NR3C2: variants seen among roughly 807,000 people sequenced by gnomAD.
NR3C2 encodes the protein nuclear receptor subfamily 3 group C member 2.
NR3C2 carries 15 observed loss-of-function variants against 86.4 expected under a neutral mutation model. The ratio of observed to expected loss-of-function variants is 0.17; its 90% CI spans 0.12 to 0.27. The LOEUF is 0.27. Ranked by LOEUF, NR3C2 falls within the 10% of genes least tolerant of loss-of-function variation. NR3C2 has a pLI of 1.00. For synonymous variants in NR3C2, 458 were observed against 450.5 expected, an observed-to-expected ratio of 1.02 and a Z score of -0.21; for missense variants, 960 against 1,195.6, an observed-to-expected ratio of 0.80 and a Z score of 2.91.
chr4:148,278,579 A>G (rs1008824391), intron 2 of NR3C2, among the ~76,000 whole-genome samples: 17 of 151,968 alleles, frequency 1.1e-4, no homozygotes, highest in African/African-American at 2.9e-4. Flanking sequence ...GTGCGCGCGC[A>G]CACACACACC....
intron 6 of NR3C2, among the ~76,000 whole-genome samples, chr4:148,142,424 G>A (rs949441982): frequency 6.6e-6 from 1 of 152,244 alleles, no homozygotes; most frequent in East Asian, 1.9e-4. Context: ...TAAGTCTCAT[G>A]TTAAATTGTA....
At chr4:148,291,350 C>T (rs72655281) in intron 2 of NR3C2, among the ~76,000 whole-genome samples, 125 of 152,104 alleles carry the variant, frequency 8.2e-4, no homozygotes, top group African/African-American at 2.8e-3. Context: ...ACAAATTTAG[C>T]CACTTGATAT....
chr4:148,357,749 T>C (rs974044721), intron 2 of NR3C2, among the ~76,000 whole-genome samples: 1 of 152,178 alleles, frequency 6.6e-6, no homozygotes, highest in African/African-American at 2.4e-5. Flanking sequence ...TCAATCTCCA[T>C]TATATCTTTT....
At chr4:148,151,656 A>G (rs1734107661) in intron 6 of NR3C2, among the ~76,000 whole-genome samples, 1 of 152,172 alleles carries the variant, frequency 6.6e-6, no homozygotes, top group African/African-American at 2.4e-5. Context: ...TCTTGCTTTC[A>G]TCACCAACCT....
At chr4:148,410,550 G>C (rs1248413118) in intron 2 of NR3C2, among the ~76,000 whole-genome samples, 1 of 152,154 alleles carries the variant, frequency 6.6e-6, no homozygotes, top group Non-Finnish European at 1.5e-5. Context: ...TTTAACTGCA[G>C]AAGCTTAAAT....
intron 3 of NR3C2, among the ~76,000 whole-genome samples, chr4:148,241,616 C>G (rs2149848664): frequency 6.6e-6 from 1 of 152,224 alleles, no homozygotes; most frequent in East Asian, 1.9e-4. Flanking sequence ...ATAACCATTC[C>G]CTTGCACTTT....
intron 4 of NR3C2, among the ~76,000 whole-genome samples, chr4:148,177,036 G>T (rs1006823287): frequency 1.8e-4 from 27 of 152,158 alleles, no homozygotes; most frequent in African/African-American, 6.0e-4. Context: ...AAATAATGAA[G>T]CAGCACATTC....
At chr4:148,428,237 G>C (rs1749643194) in intron 2 of NR3C2, among the ~76,000 whole-genome samples, 1 of 152,180 alleles carries the variant, frequency 6.6e-6, no homozygotes, top group Non-Finnish European at 1.5e-5. Context: ...TCCAGCGGGA[G>C]ACAGTGGTAC....
At chr4:148,411,178 T>C (rs1748685553) in intron 2 of NR3C2, among the ~76,000 whole-genome samples, 1 of 149,438 alleles carries the variant, frequency 6.7e-6, no homozygotes, top group African/African-American at 2.5e-5. Flanking sequence ...AAGAAACTAG[T>C]TCTAGGTTCC....
chr4:148,268,421 A>G (rs1740507953), intron 2 of NR3C2, among the ~76,000 whole-genome samples: 1 of 152,222 alleles, frequency 6.6e-6, no homozygotes, highest in South Asian at 2.1e-4. Context: ...GCCATGATTC[A>G]CAATGCACTA....
chr4:148,339,457 A>G (rs1456671752), intron 2 of NR3C2, among the ~76,000 whole-genome samples: 2 of 152,224 alleles, frequency 1.3e-5, no homozygotes, highest in African/African-American at 2.4e-5. Flanking sequence ...AGAAATGTCT[A>G]AAAGAATTAA....
chr4:148,187,006 ATATATATATATATAT>A (rs1735946802), intron 4 of NR3C2, among the ~76,000 whole-genome samples: 1 of 34,950 alleles, frequency 2.9e-5, no homozygotes, highest in African/African-American at 2.2e-4. Context: ...GTATATATAT[ATATATATATATATAT>A]ATATATATAT....
chr4:148,081,738 C>T (rs1730570767), intron 8 of NR3C2, among the ~76,000 whole-genome samples: 1 of 152,208 alleles, frequency 6.6e-6, no homozygotes, highest in African/African-American at 2.4e-5. Flanking sequence ...GAATTTTGAG[C>T]ACTGAATGTA....
At chr4:148,425,823 T>C (rs1579284033) in intron 2 of NR3C2, among the ~76,000 whole-genome samples, 2 of 152,222 alleles carry the variant, frequency 1.3e-5, no homozygotes, top group South Asian at 4.1e-4. Flanking sequence ...TGCTTCTTCA[T>C]TTGCCTTCAC....
chr4:148,131,732 T>C (rs1733053855), intron 6 of NR3C2, among the ~76,000 whole-genome samples: 2 of 152,226 alleles, frequency 1.3e-5, no homozygotes, highest in Non-Finnish European at 2.9e-5. Context: ...GTCCCATTGG[T>C]CTCCACAACA....
At chr4:148,362,986 G>A (rs7696770) in intron 2 of NR3C2, among the ~76,000 whole-genome samples, 69,195 of 152,002 alleles carry the variant, frequency 0.46, 16,240 homozygotes, top group East Asian at 0.67. Context: ...AACGGGATGC[G>A]GTTGAAAAGT....
chr4:148,199,507 A>G lies in NR3C2; in HGVS notation c.1898-4645T>C, dbSNP rs144106863. On this transcript the variant is annotated intron_variant, in intron 3 of 8. Coordinates refer to ENST00000358102, the MANE Select transcript of NR3C2 (RefSeq NM_000901.5). ...CTTAGTATCAAGATTCTTAAAAGTA[A>G]GTAGGCACATACACTCAGGGGCAGA... is the stretch of plus-strand genomic sequence containing the variant. 6.3e-3 allele frequency among the ~76,000 whole-genome samples: 954 copies of G among 152,216 alleles called. 5 individuals carry two copies. Among genetic ancestry groups the G allele is most frequent in the South Asian group, 0.033 (157 of 4,818 alleles).
chr4:148,398,271 C>T (rs542379967), intron 2 of NR3C2, among the ~76,000 whole-genome samples: 7 of 152,330 alleles, frequency 4.6e-5, no homozygotes, highest in Admixed American at 2.6e-4. Flanking sequence ...TAACCCACTA[C>T]AGGTGTTGCT....
At chr4:148,325,667 G>A (rs1743928167) in intron 2 of NR3C2, among the ~76,000 whole-genome samples, 1 of 152,188 alleles carries the variant, frequency 6.6e-6, no homozygotes, top group Admixed American at 6.5e-5. Context: ...TTATTCACCA[G>A]GGAGAGAAAA....
Sources: allele counts gnomAD v4.1 joint callset (sites outside exome capture counted in the v4.1 genomes callset), GRCh38; gene constraint gnomAD v4.1.1; transcripts MANE v1.5; gene names NCBI Gene and HGNC (gene_info 2026-07-23, HGNC 2026-07-21).